The following KLRG2 variants were observed in gnomAD, a reference collection of about 807,000 sequenced individuals.
KLRG2 encodes killer cell lectin-like receptor subfamily G member 2.
Under a neutral mutation model 35.4 loss-of-function variants are expected in KLRG2, and 39 were observed. The ratio of observed to expected loss-of-function variants is 1.10; its 90% CI spans 0.85 to 1.44. The LOEUF (loss-of-function observed/expected upper bound fraction) is 1.44, where lower values mean the gene tolerates loss of function less well. KLRG2 is among the 40% of genes most tolerant of loss of function. KLRG2 has a pLI of 0.00. For missense variants in KLRG2, 632 were observed against 570.9 expected, an observed-to-expected ratio of 1.11 and a Z score of -1.09; for synonymous variants, 283 against 265.8, an observed-to-expected ratio of 1.06 and a Z score of -0.63.
chr7:139,457,395 C>T (rs903959633), intron 3 of KLRG2, among the ~76,000 whole-genome samples: 1 of 152,142 alleles, frequency 6.6e-6, no homozygotes, highest in Non-Finnish European at 1.5e-5. Flanking sequence ...GCCAGGCTAC[C>T]CCATATGCAA....
At chr7:139,438,056 C>T in the KLRG2 span, among the ~76,000 whole-genome samples, 1 of 152,178 alleles carries the variant, frequency 6.6e-6, no homozygotes, top group Non-Finnish European at 1.5e-5. Context: ...TTGCCATTGT[C>T]ATAAGACTAT....
At chr7:139,437,653 T>C in the KLRG2 span, among the ~76,000 whole-genome samples, 1 of 152,134 alleles carries the variant, frequency 6.6e-6, no homozygotes, top group African/African-American at 2.4e-5. Flanking sequence ...AGATGGGGTT[T>C]TGCCACATTG....
chr7:139,480,541 G>A (rs1796939277), intron 1 of KLRG2, among the ~76,000 whole-genome samples: 1 of 149,364 alleles, frequency 6.7e-6, no homozygotes, highest in South Asian at 2.1e-4. Context: ...TGCCTCCCGG[G>A]TTCAAGCAAT....
intron 3 of KLRG2, among the ~76,000 whole-genome samples, chr7:139,454,523 G>T (rs1040290500): frequency 8.6e-5 from 13 of 152,028 alleles, no homozygotes; most frequent in African/African-American, 3.1e-4. Flanking sequence ...AGCTCAGAAA[G>T]CGAGGGAGGT....
chr7:139,429,588 C>G, the KLRG2 span, among the ~76,000 whole-genome samples: 57,416 of 150,688 alleles, frequency 0.38, 15,282 homozygotes, highest in African/African-American at 0.76. Context: ...AACGAGCATG[C>G]TGCCTTCAAG....
chr7:139,435,709 T>G, the KLRG2 span, among the ~76,000 whole-genome samples: 10 of 152,200 alleles, frequency 6.6e-5, no homozygotes, highest in Admixed American at 4.6e-4. Context: ...CAGACTTTCA[T>G]GCCGACTTCC....
chr7:139,467,492 A>G (rs4596596), intron 3 of KLRG2, among the ~76,000 whole-genome samples: 61,602 of 151,716 alleles, frequency 0.41, 15,872 homozygotes, highest in African/African-American at 0.74. Context: ...TCTGTACTAA[A>G]AAAAATTCTT....
chr7:139,479,900 T>C, intron 2 of KLRG2, 128 bp from the exon 3 acceptor site: 1 of 1,124,546 alleles, frequency 8.9e-7, no homozygotes, highest in South Asian at 1.6e-5. Context: ...CCAGGGAGCT[T>C]TTATAGTCTG....
the KLRG2 span, among the ~76,000 whole-genome samples, chr7:139,435,764 T>A: frequency 9.2e-5 from 14 of 152,358 alleles, 1 homozygote; most frequent in African/African-American, 3.4e-4. Context: ...GCTGTGTGCA[T>A]CAGCACATCC....
the KLRG2 span, among the ~76,000 whole-genome samples, chr7:139,438,926 C>T: frequency 2.4e-5 from 3 of 126,836 alleles, no homozygotes; most frequent in African/African-American, 5.6e-5. Flanking sequence ...CCCCTCCCCC[C>T]CCCCACCCCG....
the KLRG2 span, among the ~76,000 whole-genome samples, chr7:139,439,835 T>C: frequency 1.3e-5 from 2 of 152,006 alleles, no homozygotes; most frequent in African/African-American, 4.8e-5. Flanking sequence ...ACAACAGAAC[T>C]TTTTTTCACC....
intron 3 of KLRG2, among the ~76,000 whole-genome samples, chr7:139,457,274 G>A (rs1156831797): frequency 3.3e-5 from 5 of 152,174 alleles, no homozygotes; most frequent in Non-Finnish European, 7.4e-5. Flanking sequence ...AGGCTGCTCT[G>A]AGGTGTGAGT....
chr7:139,436,220 C>T, the KLRG2 span, among the ~76,000 whole-genome samples: 13 of 151,990 alleles, frequency 8.6e-5, no homozygotes, highest in Non-Finnish European at 1.6e-4. Context: ...TACTCTTAAC[C>T]CGCACACTCT....
At chr7:139,443,481 A>G in the KLRG2 span, among the ~76,000 whole-genome samples, 1 of 152,228 alleles carries the variant, frequency 6.6e-6, no homozygotes, top group South Asian at 2.1e-4. Flanking sequence ...ACCAAGTCCT[A>G]GGAAAAAATG....
chr7:139,463,707 G>A (rs549868330), intron 3 of KLRG2, among the ~76,000 whole-genome samples: 2 of 152,276 alleles, frequency 1.3e-5, no homozygotes, highest in South Asian at 2.1e-4. Flanking sequence ...CTGGAACTCC[G>A]GCCCAAGGCT....
the KLRG2 span, among the ~76,000 whole-genome samples, chr7:139,439,271 T>C: frequency 6.6e-6 from 1 of 152,194 alleles, no homozygotes; most frequent in South Asian, 2.1e-4. Context: ...GCAATGCACA[T>C]GCTGTGTGAC....
chr7:139,451,056 G>C (rs1022234411), downstream of KLRG2, among the ~76,000 whole-genome samples: 2 of 152,326 alleles, frequency 1.3e-5, no homozygotes, highest in South Asian at 4.1e-4. Flanking sequence ...CGCATTGCTG[G>C]CTGAGCAAGT....
intron 3 of KLRG2, among the ~76,000 whole-genome samples, chr7:139,465,821 C>G (rs771661860): frequency 6.6e-6 from 1 of 152,132 alleles, no homozygotes; most frequent in African/African-American, 2.4e-5. Context: ...AAAAAAGCAC[C>G]TAGCATTCCA....
chr7:139,469,176 T>C (rs1796715882), intron 3 of KLRG2, among the ~76,000 whole-genome samples: 1 of 152,230 alleles, frequency 6.6e-6, no homozygotes, highest in Admixed American at 6.5e-5. Context: ...TTACTTATTT[T>C]TTTGAGATAG....
Sources: gnomAD v4.1 joint callset for allele counts (sites outside exome capture counted in the v4.1 genomes callset) on GRCh38, gnomAD v4.1.1 for gene constraint, MANE v1.5 for transcripts, NCBI Gene and HGNC (gene_info 2026-07-23, HGNC 2026-07-21) for gene names.